The following SYN2 variants were observed in gnomAD, a reference collection of about 807,000 sequenced individuals.
SYN2 encodes the protein synapsin-2.
In SYN2, 19 loss-of-function variants were observed where a neutral mutation model predicts 50.9. The observed-to-expected ratio is 0.37, with a 90% CI of 0.26 to 0.55. The LOEUF is 0.55. Ranked by LOEUF, SYN2 falls within the 20% of genes least tolerant of loss-of-function variation. The pLI is 0.81. For synonymous variants in SYN2, 255 were observed against 224.9 expected, an observed-to-expected ratio of 1.13 and a Z score of -1.20; for missense variants, 587 against 576.4, an observed-to-expected ratio of 1.02 and a Z score of -0.19.
rs531757736 is a variant in SYN2, at chr3:12,122,879, T to TA, written c.378-17763dup. 5.2e-3 allele frequency among the ~76,000 whole-genome samples: 781 copies of TA among 150,334 alleles called. 6 individuals are homozygous for TA. Among genetic ancestry groups the TA allele is most frequent in the African/African-American group, 0.017 (696 of 40,970 alleles). ...TAAAATTGTAGGAACAAGAAAGACT[T>TA]AAAAAAAAACAAGAAAGAACATGAT... On this transcript the variant is annotated intron_variant, in intron 1 of 12. Transcript: ENST00000621198.
At chr3:12,161,790 A>G in intron 6 of SYN2, 182 bp downstream of exon 6, 1 of 954,386 alleles carries the variant, frequency 1.0e-6, no homozygotes, top group South Asian at 1.6e-5. Context: ...AGCAGAATGC[A>G]AGCCACCTGC....
chr3:12,019,131 G>T (rs182268164), intron 1 of SYN2, among the ~76,000 whole-genome samples: 1 of 152,350 alleles, frequency 6.6e-6, no homozygotes, highest in African/African-American at 2.4e-5. Flanking sequence ...ATTGGGACAT[G>T]AAGTCTTATT....
At chr3:12,053,145 A>G (rs1253694244) in intron 1 of SYN2, among the ~76,000 whole-genome samples, 1 of 152,146 alleles carries the variant, frequency 6.6e-6, no homozygotes, top group Non-Finnish European at 1.5e-5. Context: ...TGATCCGGCC[A>G]GGCACGGTGG....
chr3:12,186,879 G>C (rs1036489281), intron 11 of SYN2, among the ~76,000 whole-genome samples: 2 of 152,194 alleles, frequency 1.3e-5, no homozygotes, highest in Non-Finnish European at 2.9e-5. Context: ...TTTTATGTTT[G>C]GGAAAACCAA....
chr3:12,112,365 C>T (rs1202271981), intron 1 of SYN2, among the ~76,000 whole-genome samples: 1 of 152,056 alleles, frequency 6.6e-6, no homozygotes, highest in African/African-American at 2.4e-5. Flanking sequence ...TTGCCCCTGT[C>T]AAATGAACGG....
chr3:12,041,681 C>T (rs1220557018), intron 1 of SYN2, among the ~76,000 whole-genome samples: 1 of 152,172 alleles, frequency 6.6e-6, no homozygotes, highest in Non-Finnish European at 1.5e-5. Flanking sequence ...GTAAATGCTG[C>T]CAGGCTTTTT....
chr3:12,083,791 C>T (rs1469317273), intron 1 of SYN2, among the ~76,000 whole-genome samples: 1 of 152,128 alleles, frequency 6.6e-6, no homozygotes, highest in East Asian at 1.9e-4. Flanking sequence ...GAAACAGGAG[C>T]CCTCTGAGAT....
At chr3:12,056,201 T>G (rs1420331411) in intron 1 of SYN2, among the ~76,000 whole-genome samples, 1 of 151,774 alleles carries the variant, frequency 6.6e-6, no homozygotes, top group Non-Finnish European at 1.5e-5. Flanking sequence ...AACTGTAAAC[T>G]GTAGTGTTTA....
intron 4 of SYN2, among the ~76,000 whole-genome samples, chr3:12,146,844 A>G (rs534227472): frequency 6.6e-6 from 1 of 152,262 alleles, no homozygotes; most frequent in South Asian, 2.1e-4. Flanking sequence ...CTGCTACTTC[A>G]GGCTGGCCCT....
intron 1 of SYN2, among the ~76,000 whole-genome samples, chr3:12,063,727 G>C (rs1389239220): frequency 1.3e-5 from 2 of 151,916 alleles, no homozygotes; most frequent in Non-Finnish European, 2.9e-5. Context: ...CAATTGAAAG[G>C]GTTACCAATG....
In SYN2 at chr3:12,047,414, G is replaced by A. The variant is rs529189926; in HGVS notation, c.377+42486G>A. ...GAGAAGAAGGAAGGATGATGGAAGGGGTACTATTTGAAGGAAATGAATAAG... is the reference window on the plus strand; with the variant it reads ...GAGAAGAAGGAAGGATGATGGAAGGAGTACTATTTGAAGGAAATGAATAAG... On this transcript the variant is annotated intron_variant, in intron 1 of 12. Transcript: ENST00000621198. 1.8e-3 allele frequency among the ~76,000 whole-genome samples: 277 copies of A among 152,190 alleles called. 1 individual carries two copies. The highest frequency in any genetic ancestry group is 6.4e-3 in the African/African-American group (265 of 41,540).
At chr3:12,092,436 G>C (rs571691581) in intron 1 of SYN2, among the ~76,000 whole-genome samples, 7 of 152,302 alleles carry the variant, frequency 4.6e-5, no homozygotes, top group South Asian at 4.1e-4. Context: ...AGAAAGGCTT[G>C]TATAGAGAGG....
At chr3:12,175,124 T>A (rs193211482) in intron 10 of SYN2, among the ~76,000 whole-genome samples, 1 of 152,374 alleles carries the variant, frequency 6.6e-6, no homozygotes, top group Admixed American at 6.5e-5. Context: ...TAAGTTGGCC[T>A]GCTTTTTATT....
intron 3 of SYN2, among the ~76,000 whole-genome samples, chr3:12,143,797 A>C (rs1048344634): frequency 6.6e-6 from 1 of 152,146 alleles, no homozygotes; most frequent in Non-Finnish European, 1.5e-5. Flanking sequence ...CTTTGAGTAG[A>C]TACTCAGTAA....
chr3:12,033,813 A>G (rs987376650), intron 1 of SYN2, among the ~76,000 whole-genome samples: 6 of 152,202 alleles, frequency 3.9e-5, no homozygotes, highest in Admixed American at 6.5e-5. Flanking sequence ...TAATGTTTTC[A>G]GGATTCATCC....
chr3:12,182,525 G>A (rs1698246650), intron 10 of SYN2, among the ~76,000 whole-genome samples: 1 of 152,206 alleles, frequency 6.6e-6, no homozygotes, highest in Non-Finnish European at 1.5e-5. Context: ...TGGGATCGGA[G>A]CCATGCTGTT....
At chr3:12,034,508 A>G (rs1210592063) in intron 1 of SYN2, among the ~76,000 whole-genome samples, 3 of 151,926 alleles carry the variant, frequency 2.0e-5, no homozygotes, top group Non-Finnish European at 4.4e-5. Context: ...ATTTATAAAG[A>G]AAAAAAACAT....
intron 1 of SYN2, among the ~76,000 whole-genome samples, chr3:12,106,060 GA>G (rs199889326): frequency 2.0e-5 from 3 of 152,032 alleles, no homozygotes; most frequent in African/African-American, 7.2e-5. Flanking sequence ...AGACACTGGG[GA>G]AAAAAATCTG....
At chr3:12,014,776 C>A (rs1369136716) in intron 1 of SYN2, among the ~76,000 whole-genome samples, 1 of 152,150 alleles carries the variant, frequency 6.6e-6, no homozygotes, top group East Asian at 1.9e-4. Flanking sequence ...GTGCCTTCTT[C>A]CACACAGCTT....
Sources: allele counts gnomAD v4.1 joint callset (sites outside exome capture counted in the v4.1 genomes callset), GRCh38; gene constraint gnomAD v4.1.1; transcripts MANE v1.5; gene names NCBI Gene and HGNC (gene_info 2026-07-23, HGNC 2026-07-21).